CCDC136: variants seen among roughly 807,000 people sequenced by gnomAD.
CCDC136 encodes the protein coiled-coil domain-containing protein 136.
In CCDC136, 100 loss-of-function variants were observed where a neutral mutation model predicts 141.2. The ratio of observed to expected loss-of-function variants is 0.71; its 90% CI spans 0.60 to 0.84. The LOEUF is 0.84. Among genes scored for constraint, CCDC136 ranks in the 40% least tolerant of loss-of-function variants. The pLI, the probability that CCDC136 is intolerant of heterozygous loss-of-function variation, is 0.00. For missense variants in CCDC136, 1,206 were observed against 1,379.4 expected (o/e 0.87, Z 1.99); for synonymous variants, 474 against 531.9 (o/e 0.89, Z 1.50).
intron 1 of CCDC136, among the ~76,000 whole-genome samples, chr7:128,793,136 C>T (rs1004516484): frequency 2.0e-5 from 3 of 152,216 alleles, no homozygotes; most frequent in Non-Finnish European, 4.4e-5. Context: ...AAAGTAAGAC[C>T]AGAGATTCAG....
rs1267085201 is a variant in CCDC136 at position 128,806,813 on chromosome 7, G to A, written c.1374G>A (p.Gln458=). ...TGCAGTGCCATGAGGCAGAGCTGCA[G>A]CACCTCAGGGATACGGTGGCCTCCT... ...EELQCHEAEL[Q]HLRDTVASFK... Residue 458 remains glutamine (Q), a synonymous_variant, in exon 9 of 18, where the codon CAG becomes CAA. Transcript: ENST00000297788. The A allele has an allele frequency of 1.2e-6, 2 of 1,612,846 alleles. No homozygotes were observed. Among genetic ancestry groups the A allele is most frequent in the African/African-American group, 2.7e-5 (2 of 74,906 alleles).
rs768568723 is a variant in CCDC136, at chr7:128,812,696, C to G, written c.2542-12C>G. ...CCTCAGGGTGCTATTGTTGCTCCCC[C>G]ACCCCCCGCAGCGCTTTGAGGAAAT... On this transcript the variant is annotated splice_polypyrimidine_tract_variant and intron_variant, in intron 13 of 17. Transcript: ENST00000297788. 5.6e-6 allele frequency: 9 copies of G among 1,605,414 alleles called. No individual in the cohort carries two copies. The highest frequency in any genetic ancestry group is 2.2e-5 in the East Asian group (1 of 44,716).
upstream of CCDC136, chr7:128,791,394 T>C: frequency 1.2e-6 from 1 of 839,470 alleles, no homozygotes; most frequent in Non-Finnish European, 1.6e-6. The surrounding 1 kb of genome is among the most constrained non-coding windows in gnomAD (Gnocchi z 7.1). Context: ...CCCCGCCCCC[T>C]CGTCCGCCCT....
At chr7:128,804,891 G>A in intron 5 of CCDC136, 130 bp downstream of exon 5, 1 of 616,656 alleles carries the variant, frequency 1.6e-6, no homozygotes, top group South Asian at 2.0e-5. Context: ...TCCTTTCCAT[G>A]GTTTCCAAAG....
chr7:128,794,642 G>T lies in CCDC136; in HGVS notation c.271+40G>T. The stretch of plus-strand genomic sequence containing the variant: ...CAGGGCCCAGTGCCCGGGCCCAGAG[G>T]CTCTGCACTCCCCTGGATCCGAGCT... On this transcript the variant is annotated intron_variant, in intron 2 of 17. Transcript: ENST00000297788. The surrounding 1 kb of genome is among the most constrained non-coding windows in gnomAD (Gnocchi z 4.3). The T allele has an allele frequency of 6.5e-7, 1 of 1,533,920 alleles. No individual in the cohort carries two copies. Among genetic ancestry groups the T allele is most frequent in the Non-Finnish European group, 8.8e-7 (1 of 1,138,684 alleles).
chr7:128,807,270 A>G, intron 9 of CCDC136, 90 bp from the exon 10 acceptor site: 1 of 958,164 alleles, frequency 1.0e-6, no homozygotes, highest in Non-Finnish European at 1.4e-6. Context: ...AGGACAAGGG[A>G]AGATGGGTCC....
rs527998862 is a variant in CCDC136, at chr7:128,814,994, C to G, written c.3045+75C>G. On this transcript the variant is annotated intron_variant, in intron 15 of 17. Coordinates refer to ENST00000297788, the MANE Select transcript of CCDC136 (RefSeq NM_022742.5). ...TGGGAAGAAGCATTGCCTCCACAAC[C>G]CTTTCAACCAGGCAAGGGATTTGTA... 13 of 1,247,442 alleles carry G rather than the reference C, an allele frequency of 1.0e-5. No individual in the cohort carries two copies. In the South Asian group the frequency reaches 1.8e-4, roughly 17 times the overall value. 77.3% of individuals were successfully genotyped at this position (1,247,442 alleles called of 1,614,324 possible).
intron 15 of CCDC136, 41 bp downstream of exon 15, chr7:128,814,960 A>AAG (rs1348225346): frequency 6.7e-7 from 1 of 1,488,594 alleles, no homozygotes; most frequent in Non-Finnish European, 9.0e-7. Context: ...AGAAAGGAGG[A>AAG]GGAGATCCTG....
chr7:128,791,499 G>GGCGGGCGCCGGAGCCGGCGCGGGAGCC (rs1425417407), upstream of CCDC136: 2 of 1,303,288 alleles, frequency 1.5e-6, no homozygotes, highest in Non-Finnish European at 1.9e-6. This position sits in a 1 kb window ranked among gnomAD's most constrained non-coding sequence, Gnocchi z 7.1. Context: ...CGGTCATGGA[G>GGCGGGCGCCGGAGCCGGCGCGGGAGCC]GCGGGCGCCG....
At chr7:128,800,458 C>CT (rs67467689) in intron 3 of CCDC136, among the ~76,000 whole-genome samples, 21,176 of 137,688 alleles carry the variant, frequency 0.15, 1,720 homozygotes, top group African/African-American at 0.22. Context: ...ACCTGGCTTT[C>CT]TTTTTTTTTT....
At chr7:128,796,963 G>C (rs1440382861) in intron 3 of CCDC136, among the ~76,000 whole-genome samples, 2 of 151,186 alleles carry the variant, frequency 1.3e-5, no homozygotes, top group Non-Finnish European at 2.9e-5. Context: ...GGATGGTCTC[G>C]ATCTCCTGAC....
rs142162337 is a variant in CCDC136, at chr7:128,801,398, C to T, written c.559C>T (p.Arg187Cys). Residue 187 changes from arginine (R) to cysteine (C), a missense_variant, in exon 4 of 18, where the codon CGC becomes TGC. Physicochemically the swap from Arg to Cys is radical, Grantham distance 180 (BLOSUM62 -3). Coordinates refer to ENST00000297788, the MANE Select transcript of CCDC136 (RefSeq NM_022742.5). ...GCAGAATGAACTTGAAGACATGGAA[C>T]GCATTCGGGGAGATTATGAGATGGA... Reference protein sequence around the residue: ...RMQNELEDMERIRGDYEMEIA... With the variant: ...RMQNELEDMECIRGDYEMEIA... 1.5e-4 allele frequency: 243 copies of T among 1,613,238 alleles called. No homozygotes were observed. The highest frequency in any genetic ancestry group is 2.0e-4 in the Non-Finnish European group (234 of 1,179,578).
intron 10 of CCDC136, chr7:128,808,893 A>G: frequency 1.0e-6 from 1 of 985,122 alleles, no homozygotes; most frequent in East Asian, 1.1e-4. Flanking sequence ...CTGATATTAG[A>G]AGATCTGGGT....
At chr7:128,809,169 A>G (rs1211007070) in intron 10 of CCDC136, 2 of 375,680 alleles carry the variant, frequency 5.3e-6, no homozygotes, top group East Asian at 1.2e-4. Context: ...AGGGGCATCG[A>G]TAGCATTCCC....
At chr7:128,800,917 T>C (rs1175835522) in intron 3 of CCDC136, among the ~76,000 whole-genome samples, 2 of 152,228 alleles carry the variant, frequency 1.3e-5, no homozygotes, top group Non-Finnish European at 1.5e-5. Context: ...AAATACTTTT[T>C]GTTTACAGTA....
intron 10 of CCDC136, chr7:128,809,096 C>A: frequency 2.2e-6 from 1 of 454,234 alleles, no homozygotes; most frequent in Non-Finnish European, 3.0e-6. Flanking sequence ...TAAGAGTTCC[C>A]AACAGGGTGG....
intron 13 of CCDC136, 126 bp from the exon 14 acceptor site, chr7:128,812,582 G>A: frequency 1.3e-6 from 1 of 768,200 alleles, no homozygotes. Context: ...GGTAAATATA[G>A]TAATCCCCCG....
At chr7:128,806,940 G>T (rs1295082589) in intron 9 of CCDC136, 82 bp downstream of exon 9, 7 of 1,420,058 alleles carry the variant, frequency 4.9e-6, no homozygotes, top group Non-Finnish European at 6.6e-6. Context: ...GAGAGGGAAT[G>T]GTAGGAGTGT....
chr7:128,809,641 C>G lies in CCDC136; in HGVS notation c.1797C>G (p.Leu599=), dbSNP rs1805413299. The G allele has an allele frequency of 1.3e-6, 2 of 1,514,726 alleles. No individual in the cohort carries two copies. The highest frequency in any genetic ancestry group is 2.1e-5 in the Admixed American group (1 of 46,990). The allele number at this position is 1,514,726 out of a possible 1,614,324, so 93.8% of individuals were successfully genotyped here. The change falls in exon 11 of 18, where the codon CTC becomes CTG. Residue 599 remains leucine, a synonymous_variant. Coordinates refer to ENST00000297788, the MANE Select transcript of CCDC136 (RefSeq NM_022742.5). ...CACTGCCAAAGAGTGGCCTCTTACT[C>G]AAGGTAACTCTGCCACAGGCAGCTG... The part of the protein sequence containing the change: ...TLPLPKSGLL[L]KSQELLTKLE...
Sources: gnomAD v4.1 joint callset for allele counts (sites outside exome capture counted in the v4.1 genomes callset) on GRCh38, gnomAD v4.1.1 for gene constraint, Gnocchi (gnomAD v3.1) non-coding constraint, MANE v1.5 for transcripts, NCBI Gene and HGNC (gene_info 2026-07-23, HGNC 2026-07-21) for gene names.